Variants in LOXHD1 observed in about 807,000 individuals in gnomAD.
LOXHD1 encodes lipoxygenase homology PLAT domains 1.
A neutral mutation model predicts 248.2 loss-of-function variants in LOXHD1; 205 were observed. The observed-to-expected ratio is 0.83, with a 90% confidence interval of 0.74 to 0.93. The LOEUF is 0.93. Among genes scored for constraint, LOXHD1 ranks in the 40% least tolerant of loss-of-function variants. LOXHD1 has a pLI of 0.00. For synonymous variants in LOXHD1, 1,113 were observed against 1,162.8 expected (o/e 0.96, Z 0.87); for missense variants, 2,930 against 2,971.6 (o/e 0.99, Z 0.33).
chr18:46,534,175 A>C (rs918893789), intron 27 of LOXHD1, among the ~76,000 whole-genome samples, 160 bp downstream of exon 27: 5 of 152,022 alleles, frequency 3.3e-5, no homozygotes, highest in African/African-American at 1.2e-4. Flanking sequence ...TTGGGACCAG[A>C]GCTTGTTTCT....
intron 33 of LOXHD1, chr18:46,520,323 T>C: frequency 2.1e-6 from 1 of 471,186 alleles, no homozygotes; most frequent in Non-Finnish European, 4.4e-6. Context: ...TCTGACCTGG[T>C]CCAAGAAGCC....
Position 46,641,972 on chromosome 18 carries a change from G to A in LOXHD1, c.310C>T (p.Leu104Phe), listed in dbSNP as rs1341057247. The A allele has an allele frequency of 1.3e-6, 2 of 1,552,202 alleles. No individual in the cohort carries two copies. The highest frequency in any genetic ancestry group is 1.2e-5 in the South Asian group (1 of 84,060). Residue 104 changes from leucine (L) to phenylalanine (F), a missense_variant, in exon 3 of 41, where the codon CTC becomes TTC. Transcript: ENST00000642948. Reference protein sequence around the residue: ...VFRVRTNNVGLIYKVRIEHDN... With the variant: ...VFRVRTNNVGFIYKVRIEHDN... ...GCTTCTCACCTGACTTTATAGATGA[G>A]GCCCACATTGTTGGTTCTCACCCGG...
At chr18:46,625,661 C>T (rs979467796) in intron 4 of LOXHD1, among the ~76,000 whole-genome samples, 5 of 152,108 alleles carry the variant, frequency 3.3e-5, no homozygotes, top group Admixed American at 6.5e-5. Context: ...ACAGCTGGTA[C>T]GTTTTTCTAG....
intron 34 of LOXHD1, among the ~76,000 whole-genome samples, chr18:46,515,127 G>A (rs769264299): frequency 2.8e-4 from 43 of 152,190 alleles, no homozygotes; most frequent in Non-Finnish European, 2.9e-5. Flanking sequence ...TCAGCCCCTG[G>A]GTATAGCATC....
rs1305649238 is a variant in LOXHD1 at position 46,547,033 on chromosome 18, G to A, written c.3376C>T (p.Leu1126=). ...ITYYFPCQRW[L]AVEEDDGQLS... The stretch of plus-strand genomic sequence containing the variant: ...TGGCCATCATCTTCCTCCACTGCCA[G>A]CCAACGTTGGCATGGAAAGTAGTAC... Residue 1126 remains leucine, a synonymous_variant, in exon 22 of 41, where the codon CTG becomes TTG. Coordinates refer to ENST00000642948, the MANE Select transcript of LOXHD1 (RefSeq NM_001384474.1). 1.3e-6 allele frequency: 2 copies of A among 1,551,774 alleles called. No homozygotes were observed. Among genetic ancestry groups the A allele is most frequent in the Non-Finnish European group, 1.7e-6 (2 of 1,147,006 alleles).
intron 15 of LOXHD1, among the ~76,000 whole-genome samples, chr18:46,570,973 ACCCTGG>A (rs2037740078): frequency 1.3e-5 from 2 of 152,032 alleles, no homozygotes; most frequent in Admixed American, 1.3e-4. Flanking sequence ...AGACAGAGAT[ACCCTGG>A]GTACTGGTCC....
At chr18:46,654,141 G>A (rs1446517953) in intron 1 of LOXHD1, among the ~76,000 whole-genome samples, 1 of 152,180 alleles carries the variant, frequency 6.6e-6, no homozygotes, top group African/African-American at 2.4e-5. Flanking sequence ...TGCCATGTGG[G>A]AACACAGCAA....
At chr18:46,638,262 A>G (rs2038917764) in intron 4 of LOXHD1, among the ~76,000 whole-genome samples, 1 of 152,252 alleles carries the variant, frequency 6.6e-6, no homozygotes. Flanking sequence ...ATGTTTGCAT[A>G]TATCTATTTT....
intron 21 of LOXHD1, chr18:46,555,422 C>G (rs2037284032): frequency 4.4e-6 from 1 of 228,590 alleles, no homozygotes; most frequent in Admixed American, 5.2e-5. Flanking sequence ...AATGACCTCA[C>G]AGAAAACCAT....
intron 2 of LOXHD1, among the ~76,000 whole-genome samples, chr18:46,643,677 A>G (rs1056930646): frequency 3.2e-4 from 48 of 152,176 alleles, no homozygotes; most frequent in African/African-American, 1.1e-3. Context: ...TAAATGGGAA[A>G]CAAAAAAAAA....
At position 46,485,133 on chromosome 18, in the gene LOXHD1, T is replaced by C. The variant is rs572863376; in HGVS notation, c.6068A>G (p.Glu2023Gly). The C allele has an allele frequency of 2.1e-5, 33 of 1,549,662 alleles. No homozygotes were observed. In the East Asian group the frequency reaches 7.8e-4, roughly 37 times the overall value. The change falls in exon 39 of 41, where the codon GAA becomes GGA. Residue 2023 changes from glutamate (E) to glycine (G), a missense_variant. Coordinates refer to ENST00000642948, the MANE Select transcript of LOXHD1 (RefSeq NM_001384474.1). ...CCTGGTTTCGCCTCCGTTGCCCGTT[T>C]CTATGACGATCTCGTAGGCTGTAAT... ...LEETTYEIVIETGNGGETREN... is the reference protein window; with the variant it reads ...LEETTYEIVIGTGNGGETREN...
chr18:46,518,354 G>T, intron 33 of LOXHD1, 98 bp from the exon 34 acceptor site: 1 of 1,406,578 alleles, frequency 7.1e-7, no homozygotes, highest in Non-Finnish European at 9.7e-7. Context: ...CACTGTCCAA[G>T]TTCCACAGCT....
chr18:46,509,599 T>C (rs903994518), intron 35 of LOXHD1, 99 bp downstream of exon 35: 2 of 851,986 alleles, frequency 2.3e-6, no homozygotes, highest in African/African-American at 3.4e-5. Context: ...TCCTCTACAG[T>C]GACATTTGTG....
At chr18:46,633,924 T>C (rs2038859981) in intron 4 of LOXHD1, among the ~76,000 whole-genome samples, 1 of 152,210 alleles carries the variant, frequency 6.6e-6, no homozygotes, top group East Asian at 1.9e-4. Context: ...ATGGCTATTG[T>C]TTTTTAAAAA....
intron 4 of LOXHD1, among the ~76,000 whole-genome samples, chr18:46,622,982 G>A (rs328187): frequency 6.6e-6 from 1 of 152,144 alleles, no homozygotes; most frequent in Non-Finnish European, 1.5e-5. Context: ...ATCAAGCTTG[G>A]GAGAAACAGG....
intron 32 of LOXHD1, 69 bp from the exon 33 acceptor site, chr18:46,521,351 C>G: frequency 1.3e-6 from 2 of 1,512,086 alleles, no homozygotes; most frequent in South Asian, 2.4e-5. Flanking sequence ...CCTGCCCAGC[C>G]CCCTCCCTCA....
Position 46,557,455 on chromosome 18 carries a change from C to T in LOXHD1, c.3251G>A (p.Gly1084Glu), listed in dbSNP as rs2037389826. The change falls in exon 21 of 41, where the codon GGG (glycine) becomes GAG (glutamate). Residue 1084 changes from glycine to glutamate, a missense_variant. Coordinates refer to ENST00000642948, the MANE Select transcript of LOXHD1 (RefSeq NM_001384474.1). ...DTFTIYAIDL[G>E]ALTKIRIRHD... is the part of the protein sequence containing the mutation. ...GCGAATCCGAATCTTGGTCAGGGCC[C>T]CCAGGTCAATGGCATAGATGGTGAA... is the stretch of plus-strand genomic sequence containing the variant. 3.2e-6 allele frequency: 5 copies of T among 1,552,070 alleles called. No homozygotes were observed. The highest frequency in any genetic ancestry group is 4.4e-6 in the Non-Finnish European group (5 of 1,147,094).
At chr18:46,628,415 T>C (rs971087866) in intron 4 of LOXHD1, among the ~76,000 whole-genome samples, 5 of 152,138 alleles carry the variant, frequency 3.3e-5, no homozygotes, top group Admixed American at 1.3e-4. Flanking sequence ...AATTCTTCCA[T>C]GGAGTTCAAA....
chr18:46,502,761 T>C (rs2034316866), intron 37 of LOXHD1, among the ~76,000 whole-genome samples: 1 of 152,150 alleles, frequency 6.6e-6, no homozygotes, highest in African/African-American at 2.4e-5. Context: ...AACACTCATA[T>C]TGTAAATGGC....
Sources: allele counts gnomAD v4.1 joint callset (sites outside exome capture counted in the v4.1 genomes callset), GRCh38; gene constraint gnomAD v4.1.1; transcripts MANE v1.5; gene names NCBI Gene and HGNC (gene_info 2026-07-23, HGNC 2026-07-21).